MAP3K19: variants seen among roughly 807,000 people sequenced by gnomAD.
The protein encoded by MAP3K19 is SPS1/STE20-related protein kinase YSK4.
MAP3K19 carries 91 observed loss-of-function variants against 114.4 expected under a neutral mutation model. The observed-to-expected ratio is 0.80, with a 90% CI of 0.67 to 0.95. The LOEUF (loss-of-function observed/expected upper bound fraction) is 0.95. Among genes scored for constraint, MAP3K19 ranks in the 40% least tolerant of loss-of-function variants. The pLI, the probability that MAP3K19 is intolerant of heterozygous loss-of-function variation, is 0.00. For missense variants in MAP3K19, 1,471 were observed against 1,573.2 expected, an observed-to-expected ratio of 0.94 and a Z score of 1.10; for synonymous variants, 518 against 530.5, an observed-to-expected ratio of 0.98 and a Z score of 0.32.
Position 134,988,026 on chromosome 2 carries a change from G to A in MAP3K19, c.846C>T (p.Gly282=). ...LMDPTLRSSD[G]FIWSRNMCSF... The stretch of plus-strand genomic sequence containing the variant: ...AGCACATGTTTCTTGACCAAATGAA[G>A]CCATCAGAAGACCTGAGAGTCGGAT... Residue 282 remains glycine (G), a synonymous_variant, in exon 10 of 13, where the codon GGC becomes GGT. Coordinates refer to ENST00000392915, the MANE Select transcript of MAP3K19 (RefSeq NM_025052.5). The A allele has an allele frequency of 6.2e-7, 1 of 1,614,044 alleles. No individual in the cohort carries two copies. The highest frequency in any genetic ancestry group is 8.5e-7 in the Non-Finnish European group (1 of 1,179,950).
chr2:134,986,381 TG>T lies in MAP3K19; in HGVS notation c.2490del (p.Thr831ProfsTer51). 6.2e-7 allele frequency: 1 copy of T among 1,613,862 alleles called. No individual in the cohort carries two copies. The highest frequency in any genetic ancestry group is 8.5e-7 in the Non-Finnish European group (1 of 1,179,976). On this transcript the variant is annotated frameshift_variant, in exon 10 of 13. Coordinates refer to ENST00000392915, the MANE Select transcript of MAP3K19 (RefSeq NM_025052.5). LOFTEE classifies it high-confidence loss of function. ...GDRDISNNQILTTSLRDLQEL... is the reference protein window; with the variant it reads ...GDRDISNNQIXTTSLRDLQEL... The stretch of plus-strand genomic sequence containing the variant: ...TCTTGCAGATCTCTGAGGCTTGTGG[TG>T]AGTATTTGATTGTTAGAAATGTCTC...
chr2:134,983,371 T>A (rs774801996), intron 11 of MAP3K19: 1 of 597,736 alleles, frequency 1.7e-6, no homozygotes, highest in Non-Finnish European at 3.3e-6. Flanking sequence ...GGCCATTGAG[T>A]CACTATATGT....
intron 5 of MAP3K19, among the ~76,000 whole-genome samples, chr2:135,015,279 C>T (rs1380199064): frequency 6.6e-6 from 1 of 152,158 alleles, no homozygotes; most frequent in Non-Finnish European, 1.5e-5. Context: ...TTTAAAATTA[C>T]ATTTATCTAA....
At chr2:134,988,510 C>T (rs912577270) in intron 9 of MAP3K19, among the ~76,000 whole-genome samples, 6 of 152,148 alleles carry the variant, frequency 3.9e-5, no homozygotes, top group African/African-American at 1.4e-4. Context: ...CCCACCTCAG[C>T]CTCCCAAGTA....
intron 5 of MAP3K19, among the ~76,000 whole-genome samples, chr2:135,019,207 A>G (rs1687805335): frequency 1.3e-5 from 2 of 152,238 alleles, no homozygotes; most frequent in African/African-American, 4.8e-5. Context: ...ATTCCTAGTC[A>G]CAAAAATCAT....
At chr2:135,018,667 T>C (rs949522042) in intron 5 of MAP3K19, among the ~76,000 whole-genome samples, 6 of 152,234 alleles carry the variant, frequency 3.9e-5, no homozygotes, top group African/African-American at 1.4e-4. Flanking sequence ...TCTTTTTCTT[T>C]CTTTCTTTTT....
intron 9 of MAP3K19, among the ~76,000 whole-genome samples, chr2:134,989,897 C>G (rs1287131506): frequency 1.3e-5 from 2 of 152,068 alleles, no homozygotes; most frequent in Non-Finnish European, 2.9e-5. Flanking sequence ...ACCTGACCAA[C>G]ATGGTGAAAC....
Position 134,983,838 on chromosome 2 carries a change from G to C in MAP3K19, c.3073-13C>G. 6.5e-7 allele frequency: 1 copy of C among 1,545,374 alleles called. No individual in the cohort carries two copies. The highest frequency in any genetic ancestry group is 8.7e-7 in the Non-Finnish European group (1 of 1,150,518). On this transcript the variant is annotated splice_polypyrimidine_tract_variant and intron_variant, in intron 10 of 12. Transcript: ENST00000392915. ...CACTACTATGCCTCTGGAAGAATGA[G>C]ACAAAAGGAAAGATGACCATTAAAC...
intron 5 of MAP3K19, among the ~76,000 whole-genome samples, chr2:135,007,049 A>C (rs1205621691): frequency 6.6e-6 from 1 of 151,634 alleles, no homozygotes; most frequent in Non-Finnish European, 1.5e-5. Context: ...CTGTAGTCCC[A>C]ACTACTCAGG....
At chr2:135,034,827 G>C (rs1464748464) in intron 2 of MAP3K19, among the ~76,000 whole-genome samples, 2 of 13,980 alleles carry the variant, frequency 1.4e-4, no homozygotes, top group African/African-American at 1.2e-3. Flanking sequence ...TGTGGGGAGA[G>C]GGGGAGGGGG....
In MAP3K19 at chr2:134,999,097, C is replaced by T; in HGVS notation, c.315-100G>A. 7.5e-7 allele frequency: 1 copy of T among 1,333,054 alleles called. No individual in the cohort carries two copies. The highest frequency in any genetic ancestry group is 1.0e-6 in the Non-Finnish European group (1 of 971,666). The allele number at this position is 1,333,054 out of a possible 1,614,324, so 82.6% of individuals were successfully genotyped here. On this transcript the variant is annotated intron_variant, in intron 7 of 12. Transcript: ENST00000392915. The surrounding 1 kb of genome is among the most constrained non-coding windows in gnomAD (Gnocchi z 4.1). ...TGACATCACTAGAAAGTTTGAAGAA[C>T]TACTTCCAAATGGTGCTGCTGAAAG...
intron 12 of MAP3K19, among the ~76,000 whole-genome samples, chr2:134,974,943 A>T (rs1684121281): frequency 6.6e-6 from 1 of 152,176 alleles, no homozygotes; most frequent in Non-Finnish European, 1.5e-5. Context: ...GTGTGGTCTT[A>T]GTATAATTTC....
At position 135,024,643 on chromosome 2, in the gene MAP3K19, C is replaced by G. The variant is rs1688186795; in HGVS notation, c.5G>C (p.Ser2Thr). 2 of 1,613,642 alleles carry G rather than the reference C, an allele frequency of 1.2e-6. No individual in the cohort carries two copies. The highest frequency in any genetic ancestry group is 8.5e-7 in the Non-Finnish European group (1 of 1,179,692). Residue 2 changes from serine to threonine, a missense_variant, in exon 4 of 13, where the codon AGT becomes ACT. Transcript: ENST00000392915. M[S>T]SMPKPERHAE... is the part of the protein sequence containing the mutation. ...GTATTTACCTGGTTTTGGCATAGAA[C>G]TCATTAAAATGTCCAAAAGCTGCTG...
intron 2 of MAP3K19, among the ~76,000 whole-genome samples, chr2:135,036,049 G>A (rs572560502): frequency 1.1e-4 from 17 of 152,164 alleles, no homozygotes; most frequent in African/African-American, 4.1e-4. Flanking sequence ...GGTCAGGCTG[G>A]TCGCGAACTC....
intron 12 of MAP3K19, among the ~76,000 whole-genome samples, chr2:134,979,423 C>T (rs2105187578): frequency 6.8e-6 from 1 of 147,990 alleles, no homozygotes; most frequent in Admixed American, 6.9e-5. Context: ...AAGATTCCAC[C>T]CTTTCTCTTT....
intron 12 of MAP3K19, among the ~76,000 whole-genome samples, 157 bp from the exon 13 acceptor site, chr2:134,965,073 T>A (rs1333865919): frequency 6.6e-6 from 1 of 152,250 alleles, no homozygotes; most frequent in Non-Finnish European, 1.5e-5. Context: ...CTGTGTGACC[T>A]TAAGCTAAGT....
Position 134,977,394 on chromosome 2 carries a change from GCT to G in MAP3K19, c.3920+3425_3920+3426del, listed in dbSNP as rs199813668. Among the ~76,000 whole-genome samples the G allele has an allele frequency of 0.028, 3,267 of 116,956 alleles. 356 individuals are homozygous for G. The East Asian group carries it at 0.41, about 15-fold the overall frequency. The allele number at this position is 116,956 out of a possible 152,430, so 76.7% of individuals were successfully genotyped here. A position where few individuals can be genotyped will look rare whatever the true frequency, so the allele number is the denominator to read the frequency against. On this transcript the variant is annotated intron_variant, in intron 12 of 12. Transcript: ENST00000392915. Reference sequence around the variant, plus strand: ...TTTTTTTTTTTTGAGATGAAGTCTCGCTCTGTCACCCAGGCTGGAGTGCAGTG... The same window carrying G: ...TTTTTTTTTTTTGAGATGAAGTCTCGCTGTCACCCAGGCTGGAGTGCAGTG...
chr2:135,036,652 T>C (rs1688535663), intron 2 of MAP3K19, among the ~76,000 whole-genome samples: 2 of 146,938 alleles, frequency 1.4e-5, no homozygotes, highest in South Asian at 4.2e-4. Context: ...TGTGTGTGTG[T>C]GTGTGTGTGT....
chr2:135,041,344 T>C (rs1263777447), intron 1 of MAP3K19, among the ~76,000 whole-genome samples: 1 of 151,964 alleles, frequency 6.6e-6, no homozygotes, highest in East Asian at 1.9e-4. Context: ...GAACCTTTTT[T>C]TTTTTTTTAA....
Sources: gnomAD v4.1 joint callset for allele counts (sites outside exome capture counted in the v4.1 genomes callset) on GRCh38, gnomAD v4.1.1 for gene constraint, Gnocchi (gnomAD v3.1) non-coding constraint, MANE v1.5 for transcripts, NCBI Gene and HGNC (gene_info 2026-07-23, HGNC 2026-07-21) for gene names.